Variants in RALGAPA2 observed in about 807,000 individuals in gnomAD.
RALGAPA2 encodes Ral GTPase activating protein catalytic subunit alpha 2.
A neutral mutation model predicts 230.4 loss-of-function variants in RALGAPA2; 139 were observed. The observed-to-expected ratio is 0.60, with a 90% CI of 0.53 to 0.69. RALGAPA2 has a LOEUF of 0.69. Among genes scored for constraint, RALGAPA2 ranks in the 30% least tolerant of loss-of-function variants. The pLI, the probability that RALGAPA2 is intolerant of heterozygous loss-of-function variation, is 0.00. For missense variants in RALGAPA2, 2,163 were observed against 2,276.0 expected (o/e 0.95, Z 1.01); for synonymous variants, 847 against 837.8 (o/e 1.01, Z -0.19).
At chr20:20,539,636 TCTA>T (rs1196646030) in intron 24 of RALGAPA2, among the ~76,000 whole-genome samples, 1 of 152,226 alleles carries the variant, frequency 6.6e-6, no homozygotes, top group Non-Finnish European at 1.5e-5. Flanking sequence ...ACACTTGAGA[TCTA>T]CTCTCTTAGC....
At chr20:20,666,580 C>T (rs986867255) in intron 3 of RALGAPA2, among the ~76,000 whole-genome samples, 2 of 151,990 alleles carry the variant, frequency 1.3e-5, no homozygotes, top group Non-Finnish European at 2.9e-5. Flanking sequence ...GGGAGCAGCA[C>T]GGAAGGATGG....
intron 1 of RALGAPA2, among the ~76,000 whole-genome samples, chr20:20,689,812 A>G (rs755293769): frequency 3.3e-5 from 5 of 151,996 alleles, no homozygotes; most frequent in Non-Finnish European, 7.4e-5. Flanking sequence ...TAGGGAGCTC[A>G]CTCCTCCTGC....
chr20:20,536,013 G>T (rs939500679), intron 25 of RALGAPA2, among the ~76,000 whole-genome samples: 9 of 152,204 alleles, frequency 5.9e-5, no homozygotes, highest in Non-Finnish European at 1.0e-4. Context: ...GCCTCCTTAG[G>T]CCATTCAGCC....
At chr20:20,655,238 T>A (rs2067546829) in intron 3 of RALGAPA2, among the ~76,000 whole-genome samples, 1 of 150,904 alleles carries the variant, frequency 6.6e-6, no homozygotes, top group Non-Finnish European at 1.5e-5. Flanking sequence ...AAAATAAATA[T>A]AAATAAAATA....
At chr20:20,643,413 G>C in intron 5 of RALGAPA2, 93 bp downstream of exon 5, 1 of 1,192,294 alleles carries the variant, frequency 8.4e-7, no homozygotes, top group Non-Finnish European at 1.1e-6. Context: ...GGTTTCTAAA[G>C]ATCTTTTTTC....
chr20:20,542,792 A>G (rs2063682456), intron 24 of RALGAPA2, among the ~76,000 whole-genome samples: 1 of 152,226 alleles, frequency 6.6e-6, no homozygotes, highest in South Asian at 2.1e-4. Flanking sequence ...CATAAGACCT[A>G]AAACCATAAA....
chr20:20,679,749 C>A (rs2068457396), intron 2 of RALGAPA2, among the ~76,000 whole-genome samples: 1 of 152,194 alleles, frequency 6.6e-6, no homozygotes, highest in African/African-American at 2.4e-5. Context: ...AAGGCCACCT[C>A]TTCCCCAAAG....
intron 36 of RALGAPA2, among the ~76,000 whole-genome samples, chr20:20,494,464 G>T (rs2062147897): frequency 6.6e-6 from 1 of 152,190 alleles, no homozygotes; most frequent in Non-Finnish European, 1.5e-5. Flanking sequence ...ACCACTAAAG[G>T]TATGACAAGG....
At chr20:20,612,031 A>G (rs1051478052) in intron 13 of RALGAPA2, among the ~76,000 whole-genome samples, 2 of 152,350 alleles carry the variant, frequency 1.3e-5, no homozygotes, top group Non-Finnish European at 2.9e-5. Context: ...CCATCACTGC[A>G]GCTCAGTTCC....
intron 12 of RALGAPA2, among the ~76,000 whole-genome samples, chr20:20,617,775 G>A (rs887571244): frequency 6.6e-6 from 1 of 152,174 alleles, no homozygotes; most frequent in Non-Finnish European, 1.5e-5. Flanking sequence ...TCGGAGAAAA[G>A]AAAGAAAATT....
chr20:20,399,049 T>C (rs1487451213), intron 38 of RALGAPA2, among the ~76,000 whole-genome samples: 1 of 152,090 alleles, frequency 6.6e-6, no homozygotes, highest in Non-Finnish European at 1.5e-5. Context: ...TGATAATGGA[T>C]AAAAGGTTGT....
At chr20:20,572,818 T>C in intron 21 of RALGAPA2, 57 bp downstream of exon 21, 1 of 1,339,228 alleles carries the variant, frequency 7.5e-7, no homozygotes, top group Non-Finnish European at 1.0e-6. Context: ...AGTTTTTACA[T>C]TAAATGATAA....
At chr20:20,540,877 T>A (rs1270104490) in intron 24 of RALGAPA2, among the ~76,000 whole-genome samples, 1 of 152,008 alleles carries the variant, frequency 6.6e-6, no homozygotes, top group African/African-American at 2.4e-5. Flanking sequence ...TTAACCTATG[T>A]CTTTGGGGAT....
chr20:20,526,894 T>C (rs1291878263), intron 27 of RALGAPA2, among the ~76,000 whole-genome samples: 1 of 152,190 alleles, frequency 6.6e-6, no homozygotes, highest in East Asian at 1.9e-4. Flanking sequence ...AATTAGAGTG[T>C]AGGAGAAGAT....
In RALGAPA2 at chr20:20,635,449, T is replaced by C; in HGVS notation, c.974A>G (p.Asn325Ser). 1.5e-5 allele frequency: 24 copies of C among 1,602,202 alleles called. No homozygotes were observed. The highest frequency in any genetic ancestry group is 2.0e-5 in the Non-Finnish European group (23 of 1,175,802). ...KYLTATQNTK[N>S]GVDVLPKIIQ... ...GATTTTAGGCAATACATCAACTCCATTTTTAGTGTTTTGTGTTGCAGTTAG... is the reference window on the plus strand; with the variant it reads ...GATTTTAGGCAATACATCAACTCCACTTTTAGTGTTTTGTGTTGCAGTTAG... Residue 325 changes from asparagine to serine, a missense_variant, in exon 9 of 40, where the codon AAT (asparagine) becomes AGT (serine). Transcript: ENST00000202677.
At chr20:20,572,273 T>A (rs540636913) in intron 21 of RALGAPA2, among the ~76,000 whole-genome samples, 1 of 151,754 alleles carries the variant, frequency 6.6e-6, no homozygotes, top group East Asian at 1.9e-4. Context: ...GAAAAAAAAA[T>A]TTAATACATG....
At chr20:20,637,528 T>C in intron 7 of RALGAPA2, 27 bp from the exon 8 acceptor site, 2 of 1,515,616 alleles carry the variant, frequency 1.3e-6, no homozygotes, top group South Asian at 1.3e-5. Flanking sequence ...GAAAAGAACA[T>C]ATGTATATTT....
chr20:20,502,715 C>T (rs73289167), intron 35 of RALGAPA2, among the ~76,000 whole-genome samples: 3,365 of 152,266 alleles, frequency 0.022, 128 homozygotes, highest in African/African-American at 0.078. Context: ...CACCTGCTAG[C>T]AGGCCAGGTG....
At chr20:20,399,407 T>G (rs1275540185) in intron 38 of RALGAPA2, among the ~76,000 whole-genome samples, 1 of 150,970 alleles carries the variant, frequency 6.6e-6, no homozygotes. Context: ...AAATTTGAAG[T>G]CATTTTTACC....
Sources: allele counts gnomAD v4.1 joint callset (sites outside exome capture counted in the v4.1 genomes callset), GRCh38; gene constraint gnomAD v4.1.1; transcripts MANE v1.5; gene names NCBI Gene and HGNC (gene_info 2026-07-23, HGNC 2026-07-21).